ASPH: variants seen among roughly 807,000 people sequenced by gnomAD.
The protein encoded by ASPH is aspartate beta-hydroxylase.
Under a neutral mutation model 118.4 loss-of-function variants are expected in ASPH, and 100 were observed. The ratio of observed to expected loss-of-function variants is 0.84; its 90% CI spans 0.72 to 1.00. ASPH has a LOEUF of 1.00. Ranked by LOEUF, ASPH falls within the 50% of genes least tolerant of loss-of-function variation. The pLI is 0.00. For missense variants in ASPH, 920 were observed against 919.5 expected (o/e 1.00, Z -0.01); for synonymous variants, 315 against 325.6 (o/e 0.97, Z 0.35).
At chr8:61,682,474 T>C in intron 2 of ASPH, 2 of 1,612,694 alleles carry the variant, frequency 1.2e-6, no homozygotes, top group South Asian at 1.1e-5. Flanking sequence ...ACGGAAGTCC[T>C]TTGCTTTGGC....
At chr8:61,697,902 C>T (rs1478702091) in intron 1 of ASPH, among the ~76,000 whole-genome samples, 1 of 152,096 alleles carries the variant, frequency 6.6e-6, no homozygotes, top group African/African-American at 2.4e-5. Flanking sequence ...GCAATCCTCC[C>T]ACCTCAGCCT....
At chr8:61,663,682 CG>C (rs1266996353) in intron 3 of ASPH, 1 of 982,436 alleles carries the variant, frequency 1.0e-6, no homozygotes, top group Non-Finnish European at 1.2e-6. Flanking sequence ...ACATAAAACT[CG>C]AAGTTATCAG....
chr8:61,628,454 C>A (rs1854002155), intron 13 of ASPH: 1 of 259,290 alleles, frequency 3.9e-6, no homozygotes, highest in Admixed American at 5.0e-5. Context: ...CATGCGTGAA[C>A]CACTGTGCCC....
At chr8:61,518,855 T>G (rs1042385844) in intron 22 of ASPH, among the ~76,000 whole-genome samples, 3 of 152,184 alleles carry the variant, frequency 2.0e-5, no homozygotes, top group African/African-American at 7.2e-5. Context: ...TAGTTGCTCT[T>G]TGTATAGGTC....
chr8:61,689,913 C>CT (rs1832128845), intron 1 of ASPH: 1 of 1,225,920 alleles, frequency 8.2e-7, no homozygotes, highest in Non-Finnish European at 1.0e-6. Flanking sequence ...CTAATCACCA[C>CT]TTAGGCTGAA....
At chr8:61,569,782 A>G (rs1832905751) in intron 16 of ASPH, among the ~76,000 whole-genome samples, 1 of 152,228 alleles carries the variant, frequency 6.6e-6, no homozygotes, top group Admixed American at 6.5e-5. Context: ...ACCATTCACT[A>G]TCTTTGGAAG....
chr8:61,519,078 T>C (rs1167572747), intron 22 of ASPH, among the ~76,000 whole-genome samples: 1 of 152,208 alleles, frequency 6.6e-6, no homozygotes, highest in Non-Finnish European at 1.5e-5. Context: ...ATTATTACAG[T>C]AGTATAATCT....
At chr8:61,508,125 C>T (rs1181347850) in intron 24 of ASPH, among the ~76,000 whole-genome samples, 1 of 152,174 alleles carries the variant, frequency 6.6e-6, no homozygotes, top group African/African-American at 2.4e-5. Flanking sequence ...GGTGATCCTC[C>T]CACCTCAGTC....
At chr8:61,707,572 C>T (rs533310618) in intron 1 of ASPH, among the ~76,000 whole-genome samples, 2 of 152,170 alleles carry the variant, frequency 1.3e-5, no homozygotes, top group South Asian at 4.1e-4. Flanking sequence ...TTTCTATGAC[C>T]CACAATTCCA....
chr8:61,652,191 C>T (rs1416659121), intron 4 of ASPH, among the ~76,000 whole-genome samples: 1 of 152,176 alleles, frequency 6.6e-6, no homozygotes, highest in African/African-American at 2.4e-5. Context: ...TCTCACAAAG[C>T]CTAAGATAGC....
At chr8:61,706,973 C>T (rs1427965544) in intron 1 of ASPH, among the ~76,000 whole-genome samples, 3 of 152,180 alleles carry the variant, frequency 2.0e-5, no homozygotes, top group Non-Finnish European at 4.4e-5. Context: ...TAAAATGCTA[C>T]ACCAGGTGGT....
intron 1 of ASPH, among the ~76,000 whole-genome samples, chr8:61,706,457 G>GAGGAA (rs1563667395): frequency 2.3e-3 from 287 of 126,676 alleles, no homozygotes; most frequent in African/African-American, 8.8e-3. Context: ...AGAAGAAGAA[G>GAGGAA]GAGGAAGAGG....
At chr8:61,665,087 G>A in intron 3 of ASPH, 6 of 1,398,224 alleles carry the variant, frequency 4.3e-6, no homozygotes, top group Non-Finnish European at 5.6e-6. Flanking sequence ...GTATGAGACG[G>A]TATATTTAAA....
At chr8:61,674,917 G>A (rs1319214898) in intron 3 of ASPH, among the ~76,000 whole-genome samples, 2 of 152,176 alleles carry the variant, frequency 1.3e-5, no homozygotes, top group African/African-American at 4.8e-5. Context: ...AGCTGGAAGA[G>A]ATTTAAAACC....
intron 21 of ASPH, among the ~76,000 whole-genome samples, chr8:61,546,927 C>G (rs4737587): frequency 0.65 from 98,403 of 152,144 alleles, 35,954 homozygotes; most frequent in Non-Finnish European, 0.82. Context: ...TGTCACTCTT[C>G]CTCTTCATCC....
rs536819437 is a variant in ASPH, at chr8:61,675,367, T to A, written c.322+5601A>T. On this transcript the variant is annotated intron_variant, in intron 3 of 24. Transcript: ENST00000379454. ...AAATACAAATTACTTTCTCTGGATG[T>A]ATATTTGGAAATAAAATTTAAAATA... 30 of 969,568 alleles carry A rather than the reference T, an allele frequency of 3.1e-5. No individual in the cohort carries two copies. The African/African-American group carries it at 4.0e-4, about 13-fold the overall frequency. 60.1% of individuals were successfully genotyped at this position (969,568 alleles called of 1,614,324 possible).
chr8:61,576,245 G>T (rs979089011), intron 16 of ASPH, among the ~76,000 whole-genome samples: 1 of 152,172 alleles, frequency 6.6e-6, no homozygotes, highest in Admixed American at 6.5e-5. Flanking sequence ...CAGGTGAAAG[G>T]GGACATGCTT....
intron 14 of ASPH, among the ~76,000 whole-genome samples, chr8:61,615,465 C>A (rs1448955526): frequency 6.6e-6 from 1 of 152,194 alleles, no homozygotes; most frequent in Non-Finnish European, 1.5e-5. Context: ...CTCCCCTATA[C>A]ACACTAAAAA....
chr8:61,589,561 C>T (rs6994807), intron 14 of ASPH, among the ~76,000 whole-genome samples: 132,192 of 152,068 alleles, frequency 0.87, 57,703 homozygotes, highest in African/African-American at 0.91. Flanking sequence ...CCAGCTACCT[C>T]TTCTACTCCA....
Sources: gnomAD v4.1 joint callset for allele counts (sites outside exome capture counted in the v4.1 genomes callset) on GRCh38, gnomAD v4.1.1 for gene constraint, MANE v1.5 for transcripts, NCBI Gene and HGNC (gene_info 2026-07-23, HGNC 2026-07-21) for gene names.